The following DNAJB1 variants were observed in gnomAD, a reference collection of about 807,000 sequenced individuals.
DNAJB1 encodes dnaJ homolog subfamily B member 1.
In DNAJB1, 14 loss-of-function variants were observed where a neutral mutation model predicts 24.0. The ratio of observed to expected loss-of-function variants is 0.58; its 90% CI spans 0.39 to 0.91. The LOEUF (loss-of-function observed/expected upper bound fraction) is 0.91, where lower values mean the gene tolerates loss of function less well. Ranked by LOEUF, DNAJB1 falls within the 40% of genes least tolerant of loss-of-function variation. The pLI is 0.00. For synonymous variants in DNAJB1, 262 were observed against 174.4 expected (o/e 1.50, Z -3.96); for missense variants, 517 against 458.1 (o/e 1.13, Z -1.17).
Position 14,518,122 on chromosome 19 carries a change from T to C in DNAJB1, c.211+17A>G, listed in dbSNP as rs770003509. On this transcript the variant is annotated intron_variant, in intron 1 of 2. Transcript: ENST00000254322. ...CTGTCAAAAGGCGGGGCCGCGCCCC[T>C]GGCCGCGAGCACACACCTTCCTCCC... 4.1e-6 allele frequency: 6 copies of C among 1,478,014 alleles called. No homozygotes were observed. The highest frequency in any genetic ancestry group is 2.5e-5 in the Admixed American group (1 of 40,536). The allele number at this position is 1,478,014 out of a possible 1,614,324, so 91.6% of individuals were successfully genotyped here.
rs140567626 is a variant in DNAJB1 at position 14,546,159 on chromosome 19, A to G, written c.-214+4049T>C. Among the ~76,000 whole-genome samples, 356 of 152,208 alleles carry G rather than the reference A, an allele frequency of 2.3e-3. 1 individual carries two copies. Among genetic ancestry groups the G allele is most frequent in the African/African-American group, 8.4e-3 (348 of 41,550 alleles). On this transcript the variant is annotated intron_variant, in intron 1 of 3. Coordinates refer to the DNAJB1 transcript ENST00000676982. Reference sequence around the variant, plus strand: ...TCACAAATCTGCTTTCAGAAAAATCATGGGGGCGGCGCTGGGGGCTACTCA... The same window carrying G: ...TCACAAATCTGCTTTCAGAAAAATCGTGGGGGCGGCGCTGGGGGCTACTCA...
chr19:14,539,876 CTTTCT>C (rs1599428425), intron 1 of DNAJB1, among the ~76,000 whole-genome samples: 4 of 91,080 alleles, frequency 4.4e-5, no homozygotes, highest in African/African-American at 1.8e-4. Context: ...GTTGTGTTTT[CTTTCT>C]TTTTTTTTTT....
chr19:14,530,100 G>C (rs2072570740), upstream of DNAJB1: 1 of 346,012 alleles, frequency 2.9e-6, no homozygotes, highest in Non-Finnish European at 5.6e-6. Context: ...CGTCACCAGC[G>C]TAGGAAGGGG....
chr19:14,538,226 G>A (rs868224582), intron 1 of DNAJB1, among the ~76,000 whole-genome samples: 1 of 152,174 alleles, frequency 6.6e-6, no homozygotes, highest in African/African-American at 2.4e-5. Context: ...TTTGCTGTGG[G>A]TCGTGCACTG....
chr19:14,519,940 G>A (rs1283162269), upstream of DNAJB1, among the ~76,000 whole-genome samples: 5 of 152,136 alleles, frequency 3.3e-5, no homozygotes, highest in Non-Finnish European at 7.4e-5. Flanking sequence ...GGAAGTGGGG[G>A]AGGTTCCTGG....
At position 14,518,258 on chromosome 19, in the gene DNAJB1, T is replaced by C. The variant is rs748402159; in HGVS notation, c.92A>G (p.Tyr31Cys). The C allele has an allele frequency of 6.2e-7, 1 of 1,608,178 alleles. No individual in the cohort carries two copies. Among genetic ancestry groups the C allele is most frequent in the Non-Finnish European group, 8.5e-7 (1 of 1,177,928 alleles). ...GGGCTCCTTGTTCTTGTCCGGGTGGTAGCGCAGCGCCTGGCGGCGGTAGGC... is the reference window on the plus strand; with the variant it reads ...GGGCTCCTTGTTCTTGTCCGGGTGGCAGCGCAGCGCCTGGCGGCGGTAGGC... ...KRAYRRQALRYHPDKNKEPGA... is the reference protein window; with the variant it reads ...KRAYRRQALRCHPDKNKEPGA... Residue 31 changes from tyrosine to cysteine, a missense_variant, in exon 1 of 3, where the codon TAC becomes TGC. Coordinates refer to ENST00000254322, the MANE Select transcript of DNAJB1 (RefSeq NM_006145.3).
chr19:14,558,168 T>C (rs2146619810), intron 1 of DNAJB1, among the ~76,000 whole-genome samples: 1 of 152,218 alleles, frequency 6.6e-6, no homozygotes, highest in Middle Eastern at 3.4e-3. Flanking sequence ...TCAGAGAGGT[T>C]GGGTAACTTG....
Position 14,516,610 on chromosome 19 carries a change from G to A in DNAJB1, c.648C>T (p.Thr216=). Residue 216 remains threonine, a synonymous_variant, in exon 2 of 3, where the codon ACC becomes ACT. Transcript: ENST00000254322. ...CTCCTTCCTTGGGGAAAGTGATTTT[G>A]GTTCCTTCTTTCCACCCCTTCTTCA... ...IEVKKGWKEG[T]KITFPKEGDQ... is the part of the protein sequence containing the mutation. 1 of 1,614,150 alleles carries A rather than the reference G, an allele frequency of 6.2e-7. No homozygotes were observed. The highest frequency in any genetic ancestry group is 8.5e-7 in the Non-Finnish European group (1 of 1,180,032).
intron 1 of DNAJB1, among the ~76,000 whole-genome samples, chr19:14,538,038 G>A (rs984280598): frequency 3.0e-4 from 46 of 152,274 alleles, no homozygotes; most frequent in South Asian, 1.0e-3. Flanking sequence ...GAGCCACTGC[G>A]CCGGCAGTGT....
In DNAJB1 at chr19:14,515,816, A is replaced by T. The variant is rs2072247286; in HGVS notation, c.*124T>A. 1 of 870,870 alleles carries T rather than the reference A, an allele frequency of 1.1e-6. No homozygotes were observed. The highest frequency in any genetic ancestry group is 1.7e-5 in the African/African-American group (1 of 58,178). The allele number at this position is 870,870 out of a possible 1,614,324, so 53.9% of individuals were successfully genotyped here. On this transcript the variant is annotated 3_prime_UTR_variant, in exon 3 of 3. Coordinates refer to ENST00000254322, the MANE Select transcript of DNAJB1 (RefSeq NM_006145.3). The stretch of plus-strand genomic sequence containing the variant: ...GATTGTAATATATGCTCTGGAAAAC[A>T]TTCAGCAGTACGAAAGCCCTCCCTG...
Position 14,515,804 on chromosome 19 carries a change from G to A in DNAJB1, c.*136C>T, listed in dbSNP as rs2072247039. ...GCGACTTTGAAAGATTGTAATATATGCTCTGGAAAACATTCAGCAGTACGA... is the reference window on the plus strand; with the variant it reads ...GCGACTTTGAAAGATTGTAATATATACTCTGGAAAACATTCAGCAGTACGA... On this transcript the variant is annotated 3_prime_UTR_variant, in exon 3 of 3. Transcript: ENST00000254322. 3.8e-6 allele frequency: 3 copies of A among 792,044 alleles called. No homozygotes were observed. The highest frequency in any genetic ancestry group is 3.5e-5 in the African/African-American group (2 of 56,518). The allele number at this position is 792,044 out of a possible 1,614,324, so 49.1% of individuals were successfully genotyped here. A position where few individuals can be genotyped will look rare whatever the true frequency, so the allele number is the denominator to read the frequency against.
At chr19:14,537,870 C>T (rs529540508) in intron 1 of DNAJB1, among the ~76,000 whole-genome samples, 5 of 151,822 alleles carry the variant, frequency 3.3e-5, no homozygotes, top group African/African-American at 9.7e-5. Context: ...CTTAGTCTCC[C>T]GAGTAGCTGG....
upstream of DNAJB1, among the ~76,000 whole-genome samples, chr19:14,518,777 T>TGG (rs2146525906): frequency 6.6e-6 from 1 of 152,286 alleles, no homozygotes; most frequent in East Asian, 1.9e-4. Flanking sequence ...CAGGAAGGGG[T>TGG]GGGGCCTGGG....
At chr19:14,543,705 T>A (rs2073207360) in intron 1 of DNAJB1, among the ~76,000 whole-genome samples, 1 of 150,600 alleles carries the variant, frequency 6.6e-6, no homozygotes, top group Non-Finnish European at 1.5e-5. Context: ...CCCAAAGTGC[T>A]GGGATTACAG....
rs2072232960 is a variant in DNAJB1, at chr19:14,515,099, G to A, written c.*841C>T. The A allele has an allele frequency of 6.6e-6, 1 of 152,544 alleles. No individual in the cohort carries two copies. 9.4% of individuals were successfully genotyped at this position (152,544 alleles called of 1,614,324 possible). On this transcript the variant is annotated 3_prime_UTR_variant, in exon 3 of 3. Transcript: ENST00000254322. ...TTTTATCAAAAGGGATTGTATCTAG[G>A]GCTGTGCAAAATTCAAAAGGATCAG...
intron 1 of DNAJB1, chr19:14,545,876 C>G (rs2073290715): frequency 6.5e-6 from 1 of 152,698 alleles, no homozygotes; most frequent in Admixed American, 6.5e-5. Flanking sequence ...GGAAATGGGT[C>G]ACAACGCAGC....
chr19:14,540,543 C>G lies in DNAJB1; in HGVS notation c.-214+9665G>C, dbSNP rs541308001. On this transcript the variant is annotated intron_variant, in intron 1 of 3. Coordinates refer to the DNAJB1 transcript ENST00000676982. Reference sequence around the variant, plus strand: ...AGTAGCTGGGATTACTGGTGCCCACCACCACACCCCACTAATTTTTGTATT... The same window carrying G: ...AGTAGCTGGGATTACTGGTGCCCACGACCACACCCCACTAATTTTTGTATT... 5.9e-5 allele frequency among the ~76,000 whole-genome samples: 9 copies of G among 152,172 alleles called. No individual in the cohort carries two copies. In the South Asian group the frequency reaches 8.3e-4, roughly 14 times the overall value.
At chr19:14,541,396 C>T (rs559574049) in intron 1 of DNAJB1, among the ~76,000 whole-genome samples, 30 of 152,218 alleles carry the variant, frequency 2.0e-4, no homozygotes, top group African/African-American at 4.6e-4. Context: ...TGGAAGCTGC[C>T]GAGACAACAC....
intron 1 of DNAJB1, among the ~76,000 whole-genome samples, chr19:14,543,216 A>C (rs2073161115): frequency 1.4e-5 from 2 of 139,754 alleles, no homozygotes; most frequent in African/African-American, 5.5e-5. Flanking sequence ...TGTCTAACTC[A>C]GGAGGTGGGC....
Sources: allele counts gnomAD v4.1 joint callset (sites outside exome capture counted in the v4.1 genomes callset), GRCh38; gene constraint gnomAD v4.1.1; transcripts MANE v1.5; gene names NCBI Gene and HGNC (gene_info 2026-07-23, HGNC 2026-07-21).